Variants in FGF18 observed in about 807,000 individuals in gnomAD.
FGF18 encodes the protein fibroblast growth factor 18.
A neutral mutation model predicts 23.0 loss-of-function variants in FGF18; 5 were observed. The ratio of observed to expected loss-of-function variants is 0.22; its 90% CI spans 0.11 to 0.46. The LOEUF (loss-of-function observed/expected upper bound fraction) is 0.46. FGF18 is among the 20% of genes least tolerant of loss of function. The pLI, the probability that FGF18 is intolerant of heterozygous loss-of-function variation, is 0.99. For missense variants in FGF18, 180 were observed against 291.6 expected, an observed-to-expected ratio of 0.62 and a Z score of 2.79; for synonymous variants, 117 against 118.9, an observed-to-expected ratio of 0.98 and a Z score of 0.10.
At chr5:171,433,803 A>G (rs2113341867) in intron 2 of FGF18, among the ~76,000 whole-genome samples, 1 of 152,328 alleles carries the variant, frequency 6.6e-6, no homozygotes, top group South Asian at 2.1e-4. Flanking sequence ...TGTCAGGACT[A>G]TCAAAAGCAA....
chr5:171,421,225 T>A (rs1431122982), intron 2 of FGF18, among the ~76,000 whole-genome samples: 1 of 147,018 alleles, frequency 6.8e-6, no homozygotes, highest in Admixed American at 6.8e-5. Flanking sequence ...TCCAAAGCCG[T>A]AGAAATGAAG....
intron 2 of FGF18, among the ~76,000 whole-genome samples, chr5:171,423,754 G>A (rs1481718757): frequency 6.7e-6 from 1 of 149,658 alleles, no homozygotes; most frequent in Non-Finnish European, 1.5e-5. Flanking sequence ...AGGATGGGAT[G>A]CTCTGTTAGT....
intron 2 of FGF18, among the ~76,000 whole-genome samples, chr5:171,422,944 G>C (rs1232814750): frequency 6.6e-6 from 1 of 152,218 alleles, no homozygotes; most frequent in East Asian, 1.9e-4. Flanking sequence ...TATGATGGGG[G>C]GTGGGGTAGT....
chr5:171,438,992 G>A (rs1422367610), intron 3 of FGF18, among the ~76,000 whole-genome samples: 1 of 152,062 alleles, frequency 6.6e-6, no homozygotes, highest in African/African-American at 2.4e-5. Flanking sequence ...TGTCAGAATC[G>A]TAAGATTTTA....
chr5:171,436,490 G>T lies in FGF18; in HGVS notation c.250+217G>T, dbSNP rs1772248147. Among the ~76,000 whole-genome samples, 1 of 152,190 alleles carries T rather than the reference G, an allele frequency of 6.6e-6. No homozygotes were observed. Among genetic ancestry groups the T allele is most frequent in the Non-Finnish European group, 1.5e-5 (1 of 68,036 alleles). On this transcript the variant is annotated intron_variant, in intron 3 of 4. Coordinates refer to ENST00000274625, the MANE Select transcript of FGF18 (RefSeq NM_003862.3). The surrounding 1 kb of genome is among the most constrained non-coding windows in gnomAD (Gnocchi z 4.4). The stretch of plus-strand genomic sequence containing the variant: ...AGGAGTACTAACTGAAGATGTGAAT[G>T]AAAAGTTCTTTGGCCGGTAAATGCC...
At chr5:171,455,492 G>A (rs531586106) in intron 4 of FGF18, among the ~76,000 whole-genome samples, 12 of 152,286 alleles carry the variant, frequency 7.9e-5, no homozygotes, top group African/African-American at 1.7e-4. Context: ...TAAAGGAAAC[G>A]AACCATCATT....
chr5:171,426,385 G>A (rs888479619), intron 2 of FGF18, among the ~76,000 whole-genome samples: 2 of 152,212 alleles, frequency 1.3e-5, no homozygotes, highest in Admixed American at 6.5e-5. Context: ...CTTTTGCTGT[G>A]TTGGCTCTTC....
At chr5:171,422,748 T>G (rs1772033946) in intron 2 of FGF18, among the ~76,000 whole-genome samples, 1 of 152,118 alleles carries the variant, frequency 6.6e-6, no homozygotes, top group Non-Finnish European at 1.5e-5. Context: ...CGGGTAGCAG[T>G]TCAAGCTCCT....
chr5:171,449,121 T>G (rs778403912), intron 3 of FGF18, 26 bp from the exon 4 acceptor site: 1 of 1,544,732 alleles, frequency 6.5e-7, no homozygotes, highest in Non-Finnish European at 9.0e-7. Flanking sequence ...ATAAAATGTG[T>G]CTTGTTCTCC....
In FGF18 at chr5:171,457,087, C is replaced by A; in HGVS notation, c.*282C>A. On this transcript the variant is annotated 3_prime_UTR_variant, in exon 5 of 5. Transcript: ENST00000274625. ...GAACAGACAACTCTAAACTCGTCCC[C>A]AGAGGAGGACTTGAATGAGGAAACC... is the stretch of plus-strand genomic sequence containing the variant. 3.1e-6 allele frequency: 1 copy of A among 321,042 alleles called. No homozygotes were observed. 19.9% of individuals were successfully genotyped at this position (321,042 alleles called of 1,614,324 possible). A position where few individuals can be genotyped will look rare whatever the true frequency, so the allele number is the denominator to read the frequency against.
chr5:171,451,979 T>A lies in FGF18; in HGVS notation c.357+2726T>A, dbSNP rs1365217188. On this transcript the variant is annotated intron_variant, in intron 4 of 4. Transcript: ENST00000274625. The surrounding 1 kb of genome is among the most constrained non-coding windows in gnomAD (Gnocchi z 4.5). Reference sequence around the variant, plus strand: ...TTTGTCTTTGTGCCTGCATCCTCTGTCACACTGGGAACTCCCTGAGGGCGG... The same window carrying A: ...TTTGTCTTTGTGCCTGCATCCTCTGACACACTGGGAACTCCCTGAGGGCGG... Among the ~76,000 whole-genome samples, 1 of 152,192 alleles carries A rather than the reference T, an allele frequency of 6.6e-6. No individual in the cohort carries two copies. Among genetic ancestry groups the A allele is most frequent in the African/African-American group, 2.4e-5 (1 of 41,448 alleles).
intron 2 of FGF18, among the ~76,000 whole-genome samples, chr5:171,430,316 C>T (rs1355249628): frequency 2.7e-5 from 4 of 149,690 alleles, no homozygotes. Flanking sequence ...CAAGATCACG[C>T]CATTGCACTC....
At position 171,427,393 on chromosome 5, in the gene FGF18, A is replaced by G. The variant is rs148564052; in HGVS notation, c.69+6950A>G. Among the ~76,000 whole-genome samples, 11 of 152,294 alleles carry G rather than the reference A, an allele frequency of 7.2e-5. No homozygotes were observed. In the East Asian group the frequency reaches 2.1e-3, roughly 29 times the overall value. ...ATGCTGTGGGGTGCTAGGGAAAGCT[A>G]GAAAGGACGTGTTCCTTGGATCAGT... is the stretch of plus-strand genomic sequence containing the variant. On this transcript the variant is annotated intron_variant, in intron 2 of 4. Transcript: ENST00000274625.
chr5:171,429,200 G>A (rs1237140996), intron 2 of FGF18, among the ~76,000 whole-genome samples: 3 of 152,188 alleles, frequency 2.0e-5, no homozygotes, highest in Non-Finnish European at 4.4e-5. Context: ...TTCCATCCAT[G>A]GGAAACTCAT....
intron 3 of FGF18, among the ~76,000 whole-genome samples, chr5:171,437,648 C>T (rs532380014): frequency 3.4e-4 from 52 of 152,352 alleles, no homozygotes; most frequent in African/African-American, 1.2e-3. Flanking sequence ...TGCTGGCTGC[C>T]TCTATGGGGC....
In FGF18 at chr5:171,440,664, C is replaced by G. The variant is rs186014418; in HGVS notation, c.250+4391C>G. ...GCCCACCCATTCTCTCCCTGAGCCTCGGTTTCCCCACCTGTAATGTGGGTG... is the reference window on the plus strand; with the variant it reads ...GCCCACCCATTCTCTCCCTGAGCCTGGGTTTCCCCACCTGTAATGTGGGTG... On this transcript the variant is annotated intron_variant, in intron 3 of 4. Coordinates refer to ENST00000274625, the MANE Select transcript of FGF18 (RefSeq NM_003862.3). The surrounding 1 kb of genome is among the most constrained non-coding windows in gnomAD (Gnocchi z 4.0). 6.6e-6 allele frequency among the ~76,000 whole-genome samples: 1 copy of G among 152,278 alleles called. No individual in the cohort carries two copies. Among genetic ancestry groups the G allele is most frequent in the East Asian group, 1.9e-4 (1 of 5,168 alleles).
chr5:171,456,850 C>G lies in FGF18; in HGVS notation c.*45C>G. The G allele has an allele frequency of 6.4e-7, 1 of 1,557,840 alleles. No individual in the cohort carries two copies. The highest frequency in any genetic ancestry group is 8.7e-7 in the Non-Finnish European group (1 of 1,153,626). On this transcript the variant is annotated 3_prime_UTR_variant, in exon 5 of 5. Coordinates refer to ENST00000274625, the MANE Select transcript of FGF18 (RefSeq NM_003862.3). The surrounding 1 kb of genome is among the most constrained non-coding windows in gnomAD (Gnocchi z 6.1). The stretch of plus-strand genomic sequence containing the variant: ...TCAGGTCGCCCTGGCCACACTCACA[C>G]TCCCAGAAAACTGCATCAGAGGAAT...
intron 2 of FGF18, among the ~76,000 whole-genome samples, chr5:171,429,135 G>T (rs549419297): frequency 2.0e-5 from 3 of 152,196 alleles, no homozygotes; most frequent in Non-Finnish European, 4.4e-5. Context: ...GGAGGTGGGG[G>T]CACCCATCAG....
intron 4 of FGF18, among the ~76,000 whole-genome samples, chr5:171,454,244 G>T (rs1281994814): frequency 6.6e-6 from 1 of 152,174 alleles, no homozygotes; most frequent in Non-Finnish European, 1.5e-5. Flanking sequence ...GAGCCTGGAG[G>T]GATGAAAGCC....
Sources: gnomAD v4.1 joint callset for allele counts (sites outside exome capture counted in the v4.1 genomes callset) on GRCh38, gnomAD v4.1.1 for gene constraint, Gnocchi (gnomAD v3.1) non-coding constraint, MANE v1.5 for transcripts, NCBI Gene and HGNC (gene_info 2026-07-23, HGNC 2026-07-21) for gene names.